The following FBXO16 variants were observed in gnomAD, a reference collection of about 807,000 sequenced individuals.
The protein encoded by FBXO16 is F-box only protein 16.
In FBXO16, 31 loss-of-function variants were observed where a neutral mutation model predicts 41.0. The observed-to-expected ratio is 0.76, with a 90% CI of 0.57 to 1.02. The LOEUF is 1.02. FBXO16 is among the 50% of genes least tolerant of loss of function. The pLI, the probability that FBXO16 is intolerant of heterozygous loss-of-function variation, is 0.00. For synonymous variants in FBXO16, 133 were observed against 117.8 expected (o/e 1.13, Z -0.84); for missense variants, 361 against 346.2 (o/e 1.04, Z -0.34).
intron 3 of FBXO16, 21 bp from the exon 4 acceptor site, chr8:28,463,839 A>G: frequency 6.2e-7 from 1 of 1,609,276 alleles, no homozygotes; most frequent in African/African-American, 1.3e-5. Flanking sequence ...AAAACAAAGC[A>G]AAATGTAAAA....
intron 2 of FBXO16, among the ~76,000 whole-genome samples, chr8:28,482,546 A>C (rs1302486948): frequency 6.6e-6 from 1 of 151,922 alleles, no homozygotes; most frequent in South Asian, 2.1e-4. Flanking sequence ...GCAGGTGGAA[A>C]ATAAACGTCT....
chr8:28,431,403 A>G (rs747064980), intron 7 of FBXO16, among the ~76,000 whole-genome samples: 6 of 152,238 alleles, frequency 3.9e-5, no homozygotes, highest in Non-Finnish European at 8.8e-5. Context: ...AGAAAAGACA[A>G]GATTTAAGGG....
chr8:28,458,266 G>A lies in FBXO16; in HGVS notation c.343-1336C>T, dbSNP rs995482928. On this transcript the variant is annotated intron_variant, in intron 4 of 8. Transcript: ENST00000380254. ...TCCTACTATGTTTGTTTTATGTGCA[G>A]AAGATGAGATGTTGAGGAAAGAGTA... 2.6e-5 allele frequency among the ~76,000 whole-genome samples: 4 copies of A among 152,310 alleles called. No homozygotes were observed. In the East Asian group the frequency reaches 7.7e-4, roughly 29 times the overall value.
intron 7 of FBXO16, among the ~76,000 whole-genome samples, chr8:28,434,689 G>T (rs1563356605): frequency 6.6e-6 from 1 of 152,234 alleles, no homozygotes; most frequent in Non-Finnish European, 1.5e-5. Context: ...GTTGATGCAG[G>T]ATTTTTCTCG....
At chr8:28,452,807 A>G (rs1663179824) in intron 5 of FBXO16, among the ~76,000 whole-genome samples, 2 of 152,136 alleles carry the variant, frequency 1.3e-5, no homozygotes, top group African/African-American at 4.8e-5. Context: ...ATCTCAAAAA[A>G]CAAAACAAAA....
chr8:28,443,488 G>T (rs1333190046), intron 7 of FBXO16, among the ~76,000 whole-genome samples: 1 of 152,096 alleles, frequency 6.6e-6, no homozygotes, highest in Non-Finnish European at 1.5e-5. Context: ...TTTCATCTTT[G>T]CCTTTAGAAG....
intron 5 of FBXO16, among the ~76,000 whole-genome samples, chr8:28,454,360 T>A (rs1803002800): frequency 6.6e-6 from 1 of 151,744 alleles, no homozygotes; most frequent in Non-Finnish European, 1.5e-5. Context: ...CTGCTGGGAA[T>A]AAATAACATA....
chr8:28,446,245 G>A (rs980020924), intron 7 of FBXO16, among the ~76,000 whole-genome samples: 15 of 134,516 alleles, frequency 1.1e-4, no homozygotes, highest in African/African-American at 3.6e-4. Context: ...GCAGTGGTGC[G>A]ACCTTGGCTG....
intron 3 of FBXO16, among the ~76,000 whole-genome samples, chr8:28,468,221 C>T (rs146126146): frequency 2.0e-4 from 31 of 152,274 alleles, no homozygotes; most frequent in African/African-American, 7.0e-4. Context: ...GCATCATGTA[C>T]GGTACCTTGC....
At chr8:28,469,956 G>A (rs1258679494) in intron 3 of FBXO16, among the ~76,000 whole-genome samples, 1 of 150,530 alleles carries the variant, frequency 6.6e-6, no homozygotes, top group Non-Finnish European at 1.5e-5. Flanking sequence ...TGTAAACCCA[G>A]CACTTTGGGA....
At chr8:28,479,990 C>A (rs977689192) in intron 2 of FBXO16, among the ~76,000 whole-genome samples, 2 of 152,086 alleles carry the variant, frequency 1.3e-5, no homozygotes, top group Admixed American at 6.6e-5. Flanking sequence ...CCGGCCTCAC[C>A]CTCCCAAAGT....
At chr8:28,481,396 T>C (rs1164132428) in intron 2 of FBXO16, among the ~76,000 whole-genome samples, 1 of 151,518 alleles carries the variant, frequency 6.6e-6, no homozygotes, top group Non-Finnish European at 1.5e-5. Flanking sequence ...GAATGAGAGA[T>C]TGGGAGGAGG....
chr8:28,468,784 G>A (rs1323173559), intron 3 of FBXO16, among the ~76,000 whole-genome samples: 1 of 151,684 alleles, frequency 6.6e-6, no homozygotes, highest in African/African-American at 2.4e-5. Context: ...GGAGGTAGAG[G>A]TTGCAGTGAG....
intron 2 of FBXO16, among the ~76,000 whole-genome samples, chr8:28,476,336 G>A (rs1210437633): frequency 6.6e-6 from 1 of 152,102 alleles, no homozygotes; most frequent in African/African-American, 2.4e-5. Flanking sequence ...GGGACAGAAG[G>A]GGTAGAGGAA....
chr8:28,428,539 T>C lies in FBXO16; in HGVS notation c.*188A>G. 1.3e-6 allele frequency: 2 copies of C among 1,540,428 alleles called. No individual in the cohort carries two copies. The highest frequency in any genetic ancestry group is 2.0e-5 in the Admixed American group (1 of 49,626). On this transcript the variant is annotated 3_prime_UTR_variant, in exon 9 of 9. Transcript: ENST00000380254. ...ACTGTGCAAAGCATCTTGTCATTTC[T>C]ATAATAAAAGTCTTTCCATGTTCAG... is the stretch of plus-strand genomic sequence containing the variant.
intron 7 of FBXO16, among the ~76,000 whole-genome samples, chr8:28,433,791 T>A (rs906500459): frequency 6.6e-6 from 1 of 152,102 alleles, no homozygotes; most frequent in Non-Finnish European, 1.5e-5. Flanking sequence ...CTGGATGCCA[T>A]TTTATTGGGC....
At chr8:28,464,651 A>G (rs1585910460) in intron 3 of FBXO16, among the ~76,000 whole-genome samples, 1 of 152,182 alleles carries the variant, frequency 6.6e-6, no homozygotes, top group East Asian at 1.9e-4. Flanking sequence ...TACAGTTATT[A>G]TAAACAGAAT....
At chr8:28,441,832 A>G (rs2130099483) in intron 7 of FBXO16, among the ~76,000 whole-genome samples, 1 of 149,518 alleles carries the variant, frequency 6.7e-6, no homozygotes, top group Non-Finnish European at 1.5e-5. Context: ...ACTACTGTGA[A>G]GTTTATATAT....
At position 28,429,377 on chromosome 8, in the gene FBXO16, C is replaced by T; in HGVS notation, c.869+1G>A. ...AGGTTGATATCACAACCGAAACTCA[C>T]AGTGGGAAGGGATTTCTCCTCGACA... On this transcript the variant is annotated splice_donor_variant, in intron 8 of 8. Coordinates refer to ENST00000380254, the MANE Select transcript of FBXO16 (RefSeq NM_172366.4). LOFTEE classifies it high-confidence loss of function. 1 of 1,613,874 alleles carries T rather than the reference C, an allele frequency of 6.2e-7. No individual in the cohort carries two copies. The highest frequency in any genetic ancestry group is 8.5e-7 in the Non-Finnish European group (1 of 1,179,912).
Sources: allele counts gnomAD v4.1 joint callset (sites outside exome capture counted in the v4.1 genomes callset), GRCh38; gene constraint gnomAD v4.1.1; transcripts MANE v1.5; gene names NCBI Gene and HGNC (gene_info 2026-07-23, HGNC 2026-07-21).